PACS2: variants seen among roughly 807,000 people sequenced by gnomAD.
The protein encoded by PACS2 is phosphofurin acidic cluster sorting protein 2.
A neutral mutation model predicts 113.0 loss-of-function variants in PACS2; 36 were observed. The ratio of observed to expected loss-of-function variants is 0.32; its 90% CI spans 0.24 to 0.42. PACS2 has a LOEUF of 0.42. Among genes scored for constraint, PACS2 ranks in the 10% least tolerant of loss-of-function variants. The pLI, the probability that PACS2 is intolerant of heterozygous loss-of-function variation, is 1.00. For missense variants in PACS2, 1,015 were observed against 1,239.5 expected, an observed-to-expected ratio of 0.82 and a Z score of 2.72; for synonymous variants, 589 against 536.1, an observed-to-expected ratio of 1.10 and a Z score of -1.36.
At chr14:105,377,165 G>C (rs2080814265) in intron 9 of PACS2, among the ~76,000 whole-genome samples, 1 of 152,182 alleles carries the variant, frequency 6.6e-6, no homozygotes, top group Non-Finnish European at 1.5e-5. Flanking sequence ...GCAAGCTCTG[G>C]GCTGGGGAGG....
At chr14:105,392,151 G>A (rs1312585673) in intron 22 of PACS2, 2 of 323,032 alleles carry the variant, frequency 6.2e-6, no homozygotes, top group East Asian at 7.6e-5. Context: ...TAGCCCGCCC[G>A]GGTCTCTCCG....
In PACS2 at chr14:105,368,164, G is replaced by T; in HGVS notation, c.660+17G>T. The T allele has an allele frequency of 1.3e-6, 2 of 1,573,398 alleles. No homozygotes were observed. The highest frequency in any genetic ancestry group is 8.7e-7 in the Non-Finnish European group (1 of 1,149,276). On this transcript the variant is annotated intron_variant, in intron 6 of 24. Coordinates refer to ENST00000447393, the MANE Select transcript of PACS2 (RefSeq NM_001100913.3). ...CAGGGGCAGGTGACCTGGGGCCGGGGCTCCGCGCCCTCTCCTGGCTCACAC... is the reference window on the plus strand; with the variant it reads ...CAGGGGCAGGTGACCTGGGGCCGGGTCTCCGCGCCCTCTCCTGGCTCACAC...
intron 2 of PACS2, among the ~76,000 whole-genome samples, chr14:105,351,255 G>A (rs1342455118): frequency 6.6e-6 from 1 of 152,236 alleles, no homozygotes; most frequent in Admixed American, 6.5e-5. Flanking sequence ...ACTGCGATAA[G>A]CACGTTCAAT....
rs1683408428 is a variant in PACS2 at position 105,340,369 on chromosome 14, G to T, written c.120-8124G>T. Among the ~76,000 whole-genome samples the T allele has an allele frequency of 6.6e-6, 1 of 152,186 alleles. No individual in the cohort carries two copies. Among genetic ancestry groups the T allele is most frequent in the Admixed American group, 6.5e-5 (1 of 15,268 alleles). On this transcript the variant is annotated intron_variant, in intron 1 of 24. Transcript: ENST00000447393. This position sits in a 1 kb window ranked among gnomAD's most constrained non-coding sequence, Gnocchi z 4.2. ...TTGTGAAAAAGAGGAAGGAACAAAT[G>T]GGGGAGTGGGATGGATTAAAGCAGT...
chr14:105,349,277 G>A (rs1306468707), intron 2 of PACS2, among the ~76,000 whole-genome samples: 1 of 152,226 alleles, frequency 6.6e-6, no homozygotes, highest in Non-Finnish European at 1.5e-5. Context: ...CACCGCCAGC[G>A]GGCTCTCCCT....
intron 3 of PACS2, among the ~76,000 whole-genome samples, chr14:105,353,164 T>A (rs1485068826): frequency 3.0e-5 from 3 of 100,990 alleles, no homozygotes; most frequent in African/African-American, 3.8e-5. Flanking sequence ...GGCACCCCCA[T>A]CACTGTCCCC....
intron 16 of PACS2, chr14:105,383,908 C>T (rs76350803): frequency 4.8e-4 from 129 of 270,630 alleles, no homozygotes; most frequent in South Asian, 3.3e-3. Context: ...CCTCTCAAAT[C>T]GTCCAGGTCC....
intron 8 of PACS2, among the ~76,000 whole-genome samples, chr14:105,374,132 G>A (rs1555409891): frequency 6.7e-6 from 1 of 150,006 alleles, no homozygotes; most frequent in Non-Finnish European, 1.5e-5. Context: ...TCCAGCCTGG[G>A]CGACACAGCG....
At chr14:105,360,407 C>T (rs587770052) in intron 4 of PACS2, among the ~76,000 whole-genome samples, 3 of 151,736 alleles carry the variant, frequency 2.0e-5, no homozygotes, top group South Asian at 2.1e-4. Flanking sequence ...AGCCGGGCGT[C>T]GTGGCTCACA....
chr14:105,355,392 C>T lies in PACS2; in HGVS notation c.423+215C>T, dbSNP rs1555405167. 1.3e-5 allele frequency among the ~76,000 whole-genome samples: 2 copies of T among 152,254 alleles called. No homozygotes were observed. The highest frequency in any genetic ancestry group is 2.4e-5 in the African/African-American group (1 of 41,474). On this transcript the variant is annotated intron_variant, in intron 4 of 24. Transcript: ENST00000447393. The surrounding 1 kb of genome is among the most constrained non-coding windows in gnomAD (Gnocchi z 4.1). ...GACCTTCCCTTGCCGCCTAGCATGG[C>T]TCCCCGCATGCCTGCAGCCGCGCGC...
chr14:105,348,861 G>C lies in PACS2; in HGVS notation c.207+281G>C. On this transcript the variant is annotated intron_variant, in intron 2 of 24. Coordinates refer to ENST00000447393, the MANE Select transcript of PACS2 (RefSeq NM_001100913.3). The surrounding 1 kb of genome is among the most constrained non-coding windows in gnomAD (Gnocchi z 6.4). ...CTCGAGTCACCTCACAGTGATGGAC[G>C]GGCCCCAAGCACCTGGAGCCAGGGC... 1 of 378,328 alleles carries C rather than the reference G, an allele frequency of 2.6e-6. No individual in the cohort carries two copies. 23.4% of individuals were successfully genotyped at this position (378,328 alleles called of 1,614,324 possible). A position where few individuals can be genotyped will look rare whatever the true frequency, so the allele number is the denominator to read the frequency against.
At chr14:105,343,895 C>A (rs1483047193) in intron 1 of PACS2, among the ~76,000 whole-genome samples, 1 of 151,628 alleles carries the variant, frequency 6.6e-6, no homozygotes, top group African/African-American at 2.4e-5. Flanking sequence ...TCTGAGAGTT[C>A]ATATATTTAT....
intron 4 of PACS2, among the ~76,000 whole-genome samples, chr14:105,364,328 G>A (rs1306854036): frequency 1.5e-5 from 2 of 131,978 alleles, no homozygotes; most frequent in Non-Finnish European, 3.0e-5. Context: ...CGCGGTGGGC[G>A]GCGGCCCGGG....
chr14:105,372,310 T>G (rs10133343), intron 8 of PACS2: 1 of 152,214 alleles, frequency 6.6e-6, no homozygotes, highest in African/African-American at 2.4e-5. Context: ...CACACCTGGA[T>G]AGTCAGTTGA....
chr14:105,342,813 T>C (rs1555401878), intron 1 of PACS2, among the ~76,000 whole-genome samples: 1 of 151,530 alleles, frequency 6.6e-6, no homozygotes. Flanking sequence ...TGCACGCCTG[T>C]AGTCCCAGCT....
chr14:105,337,062 G>A (rs587773766), intron 1 of PACS2, among the ~76,000 whole-genome samples: 129 of 152,280 alleles, frequency 8.5e-4, no homozygotes, highest in African/African-American at 1.6e-3. Context: ...GGTCAGCACC[G>A]CGTGGCCCTC....
chr14:105,331,515 C>T (rs918891566), intron 1 of PACS2, among the ~76,000 whole-genome samples: 2 of 152,144 alleles, frequency 1.3e-5, no homozygotes, highest in African/African-American at 4.8e-5. Flanking sequence ...CTCTGGGGCT[C>T]GAGTCATCCT....
chr14:105,367,338 C>G lies in PACS2; in HGVS notation c.549C>G (p.Asp183Glu). ...SLSSQPIDHE[D>E]STMQAGPKAK... is the part of the protein sequence containing the mutation. ...CCAGCCAGCCCATTGACCACGAAGA[C>G]AGCACCATGCAGGCCGGCCCCAAGG... The change falls in exon 5 of 25, where the codon GAC (aspartate) becomes GAG (glutamate). Residue 183 changes from aspartate to glutamate, a missense_variant. Transcript: ENST00000447393. 1 of 1,613,398 alleles carries G rather than the reference C, an allele frequency of 6.2e-7. No homozygotes were observed. The highest frequency in any genetic ancestry group is 8.5e-7 in the Non-Finnish European group (1 of 1,180,000).
At chr14:105,370,076 C>T in intron 8 of PACS2, 176 bp downstream of exon 8, 2 of 584,704 alleles carry the variant, frequency 3.4e-6, no homozygotes, top group Non-Finnish European at 3.0e-6. Context: ...GCCTCCCGGG[C>T]TCCAGGTCAC....
Sources: gnomAD v4.1 joint callset for allele counts (sites outside exome capture counted in the v4.1 genomes callset) on GRCh38, gnomAD v4.1.1 for gene constraint, Gnocchi (gnomAD v3.1) non-coding constraint, MANE v1.5 for transcripts, NCBI Gene and HGNC (gene_info 2026-07-23, HGNC 2026-07-21) for gene names.